GLDC: variants seen among roughly 807,000 people sequenced by gnomAD.
GLDC encodes the protein glycine decarboxylase.
In GLDC, 104 loss-of-function variants were observed where a neutral mutation model predicts 121.3. The observed-to-expected ratio is 0.86, with a 90% CI of 0.73 to 1.01. The LOEUF is 1.01. Among genes scored for constraint, GLDC ranks in the 50% least tolerant of loss-of-function variants. The pLI is 0.00. For missense variants in GLDC, 1,429 were observed against 1,306.6 expected, an observed-to-expected ratio of 1.09 and a Z score of -1.44; for synonymous variants, 546 against 480.6, an observed-to-expected ratio of 1.14 and a Z score of -1.78.
At chr9:6,556,104 A>T (rs757447557) in intron 18 of GLDC, 49 bp downstream of exon 18, 1 of 1,521,136 alleles carries the variant, frequency 6.6e-7, no homozygotes, top group Non-Finnish European at 9.1e-7. Flanking sequence ...TTTTTTCCAC[A>T]TATCCATTTT....
intron 14 of GLDC, among the ~76,000 whole-genome samples, chr9:6,587,524 G>C (rs1818294951): frequency 1.3e-5 from 2 of 152,168 alleles, no homozygotes; most frequent in Non-Finnish European, 1.5e-5. Context: ...ACAATGTTTT[G>C]CTAACTTTTC....
At chr9:6,607,865 G>A (rs575910084) in intron 4 of GLDC, among the ~76,000 whole-genome samples, 1 of 152,002 alleles carries the variant, frequency 6.6e-6, no homozygotes, top group Non-Finnish European at 1.5e-5. Flanking sequence ...GCTCACGCCT[G>A]TAATCCTTAT....
At chr9:6,582,390 A>T (rs1412932260) in intron 15 of GLDC, among the ~76,000 whole-genome samples, 4 of 148,390 alleles carry the variant, frequency 2.7e-5, no homozygotes, top group African/African-American at 7.5e-5. Context: ...CCACGGGGGC[A>T]GGCACCTGTA....
At chr9:6,570,706 T>C (rs1175913767) in intron 15 of GLDC, among the ~76,000 whole-genome samples, 3 of 152,016 alleles carry the variant, frequency 2.0e-5, no homozygotes, top group Non-Finnish European at 2.9e-5. Flanking sequence ...ATACAAAAAT[T>C]AGCTGGGCGT....
chr9:6,631,317 T>C (rs1819372909), intron 2 of GLDC, among the ~76,000 whole-genome samples: 1 of 152,204 alleles, frequency 6.6e-6, no homozygotes, highest in Admixed American at 6.5e-5. Context: ...TGGTCCCTTG[T>C]CTCCGTATGA....
intron 2 of GLDC, among the ~76,000 whole-genome samples, chr9:6,642,776 T>A (rs940108180): frequency 6.6e-6 from 1 of 152,168 alleles, no homozygotes; most frequent in Non-Finnish European, 1.5e-5. Flanking sequence ...ATTCCCTGAC[T>A]TTGAAAGTCT....
intron 9 of GLDC, among the ~76,000 whole-genome samples, chr9:6,594,586 C>G (rs571638506): frequency 3.3e-5 from 5 of 152,050 alleles, no homozygotes; most frequent in East Asian, 3.9e-4. Flanking sequence ...TCCCAGTTAC[C>G]TGAGAGGCTG....
intron 12 of GLDC, among the ~76,000 whole-genome samples, chr9:6,588,931 A>T (rs1818322156): frequency 6.6e-6 from 1 of 152,154 alleles, no homozygotes; most frequent in Non-Finnish European, 1.5e-5. Flanking sequence ...TGGGAAGAAG[A>T]GGATATAGGG....
intron 21 of GLDC, among the ~76,000 whole-genome samples, chr9:6,548,029 C>G (rs933893846): frequency 2.6e-5 from 4 of 151,788 alleles, no homozygotes; most frequent in African/African-American, 4.8e-5. Context: ...TTCCCAGCTA[C>G]TTGGGAGGAT....
In GLDC at chr9:6,553,390, G is replaced by A; in HGVS notation, c.2435C>T (p.Pro812Leu). The A allele has an allele frequency of 6.2e-7, 1 of 1,614,090 alleles. No individual in the cohort carries two copies. The highest frequency in any genetic ancestry group is 2.2e-5 in the East Asian group (1 of 44,884). ...AAPWGSSSIL[P>L]ISWAYIKMMG... ...CACCTTGATATAAGCCCAGGAAATG[G>A]GCAAGATGGAACTGGAGCCCCATGG... The change falls in exon 20 of 25, where the codon CCC becomes CTC. Residue 812 changes from proline (P) to leucine (L), a missense_variant. Physicochemically the swap from Pro to Leu is moderately conservative, Grantham distance 98 (BLOSUM62 -3). Coordinates refer to ENST00000321612, the MANE Select transcript of GLDC (RefSeq NM_000170.3).
chr9:6,606,768 C>T, intron 4 of GLDC, 99 bp from the exon 5 acceptor site: 2 of 814,414 alleles, frequency 2.5e-6, no homozygotes, highest in South Asian at 1.3e-5. Context: ...TAAGTCTAAG[C>T]ACAGTATAAA....
intron 7 of GLDC, among the ~76,000 whole-genome samples, chr9:6,602,777 G>C (rs181036409): frequency 6.6e-5 from 10 of 152,226 alleles, no homozygotes; most frequent in Admixed American, 3.3e-4. Flanking sequence ...GGAGGATTAA[G>C]TTTCACTCTG....
At chr9:6,556,813 G>GAAAAAA (rs1314675359) in intron 17 of GLDC, among the ~76,000 whole-genome samples, 1 of 151,306 alleles carries the variant, frequency 6.6e-6, no homozygotes, top group African/African-American at 2.4e-5. Flanking sequence ...AAAGAAAAAA[G>GAAAAAA]AAAAAAAGAA....
intron 2 of GLDC, among the ~76,000 whole-genome samples, chr9:6,626,719 A>T (rs778550949): frequency 7.2e-5 from 11 of 152,210 alleles, no homozygotes; most frequent in Non-Finnish European, 1.3e-4. Flanking sequence ...CTCTCCGCAC[A>T]GGTGTCCAGG....
At chr9:6,643,608 A>T (rs1819672648) in intron 2 of GLDC, among the ~76,000 whole-genome samples, 1 of 151,970 alleles carries the variant, frequency 6.6e-6, no homozygotes, top group East Asian at 1.9e-4. Context: ...AAATACCCAC[A>T]TAAAAATACC....
chr9:6,610,437 T>C, intron 3 of GLDC, 81 bp from the exon 4 acceptor site: 1 of 1,367,910 alleles, frequency 7.3e-7, no homozygotes, highest in Non-Finnish European at 1.0e-6. Context: ...CAGAATTCAG[T>C]ACCTGAAAAT....
intron 15 of GLDC, among the ~76,000 whole-genome samples, chr9:6,572,799 T>C (rs1221372542): frequency 6.6e-6 from 1 of 152,220 alleles, no homozygotes; most frequent in African/African-American, 2.4e-5. Flanking sequence ...AACTTCCCTG[T>C]AAATTATTTT....
intron 1 of GLDC, among the ~76,000 whole-genome samples, 186 bp downstream of exon 1, chr9:6,645,059 G>T (rs946904293): frequency 2.2e-4 from 34 of 152,244 alleles, no homozygotes; most frequent in Non-Finnish European, 5.0e-4. Context: ...GAGAAAGTAA[G>T]CTGTTAAGAA....
intron 2 of GLDC, among the ~76,000 whole-genome samples, chr9:6,639,984 C>T (rs775752767): frequency 2.0e-5 from 3 of 152,282 alleles, no homozygotes; most frequent in Non-Finnish European, 4.4e-5. Flanking sequence ...CAACATAGGA[C>T]CAACCAGGCT....
Sources: gnomAD v4.1 joint callset for allele counts (sites outside exome capture counted in the v4.1 genomes callset) on GRCh38, gnomAD v4.1.1 for gene constraint, MANE v1.5 for transcripts, NCBI Gene and HGNC (gene_info 2026-07-23, HGNC 2026-07-21) for gene names.